Variants in CYRIA observed in about 807,000 individuals in gnomAD.
The protein encoded by CYRIA is CYFIP-related Rac1 interactor A.
A neutral mutation model predicts 43.9 loss-of-function variants in CYRIA; 15 were observed. The observed-to-expected ratio is 0.34, with a 90% CI of 0.23 to 0.53. The LOEUF (loss-of-function observed/expected upper bound fraction) is 0.53. CYRIA is among the 20% of genes least tolerant of loss of function. CYRIA has a pLI of 0.94. For synonymous variants in CYRIA, 117 were observed against 136.0 expected (o/e 0.86, Z 0.97); for missense variants, 236 against 394.2 (o/e 0.60, Z 3.40).
intron 1 of CYRIA, among the ~76,000 whole-genome samples, chr2:16,624,588 A>C (rs1669098577): frequency 2.0e-5 from 3 of 152,128 alleles, no homozygotes; most frequent in Admixed American, 1.3e-4. Flanking sequence ...TTCAGTGAGA[A>C]GCATATGTGG....
At chr2:16,649,308 T>TTACAGTACAGAGGAAGGATG (rs1163308629) in intron 1 of CYRIA, among the ~76,000 whole-genome samples, 2 of 152,138 alleles carry the variant, frequency 1.3e-5, no homozygotes, top group Admixed American at 6.5e-5. Flanking sequence ...CCAGGGACGA[T>TTACAGTACAGAGGAAGGATG]TACAGTACAG....
At chr2:16,583,962 T>C (rs551705301) in intron 3 of CYRIA, among the ~76,000 whole-genome samples, 4 of 152,226 alleles carry the variant, frequency 2.6e-5, no homozygotes, top group African/African-American at 9.6e-5. Context: ...AGCTTAATTA[T>C]ATCTGTCTGA....
At chr2:16,569,381 G>A (rs1365175186) in intron 3 of CYRIA, among the ~76,000 whole-genome samples, 3 of 152,124 alleles carry the variant, frequency 2.0e-5, no homozygotes, top group Admixed American at 6.5e-5. Context: ...GGTGGGATGC[G>A]GTAGGAGAAA....
At chr2:16,575,728 C>T (rs1016834540) in intron 3 of CYRIA, among the ~76,000 whole-genome samples, 9 of 151,812 alleles carry the variant, frequency 5.9e-5, no homozygotes, top group East Asian at 5.8e-4. Context: ...TGATGGCGGG[C>T]GCCTGTAGTC....
At chr2:16,635,686 C>T (rs950311973) in intron 1 of CYRIA, among the ~76,000 whole-genome samples, 1 of 152,132 alleles carries the variant, frequency 6.6e-6, no homozygotes, top group Non-Finnish European at 1.5e-5. Context: ...GCCCTGGAGA[C>T]TCAGATTAGA....
chr2:16,564,872 A>C (rs907866929), intron 4 of CYRIA, among the ~76,000 whole-genome samples: 6 of 152,202 alleles, frequency 3.9e-5, no homozygotes, highest in Non-Finnish European at 7.3e-5. Flanking sequence ...CTCATAAGAC[A>C]TTTGAGATGA....
intron 10 of CYRIA, 100 bp downstream of exon 10, chr2:16,559,360 C>T (rs1666644974): frequency 4.4e-6 from 6 of 1,363,138 alleles, no homozygotes; most frequent in South Asian, 2.9e-5. Flanking sequence ...AGAAAGATCA[C>T]TCTCAGTGGA....
At chr2:16,593,319 T>C (rs1051009648) in intron 2 of CYRIA, among the ~76,000 whole-genome samples, 2 of 152,196 alleles carry the variant, frequency 1.3e-5, no homozygotes, top group African/African-American at 4.8e-5. Flanking sequence ...TAAATGCTTA[T>C]AGGCATTAAT....
At chr2:16,633,543 CTTTTTTTTTTT>C (rs755223919) in intron 1 of CYRIA, among the ~76,000 whole-genome samples, 10 of 92,334 alleles carry the variant, frequency 1.1e-4, no homozygotes, top group South Asian at 4.5e-4. Context: ...CTATCCCTGG[CTTTTTTTTTTT>C]TTTTTTTTTT....
intron 1 of CYRIA, among the ~76,000 whole-genome samples, chr2:16,656,505 C>T (rs1670118029): frequency 6.6e-6 from 1 of 152,140 alleles, no homozygotes. Flanking sequence ...AACCAAAGGC[C>T]TTCAGGATCC....
chr2:16,614,226 A>G (rs1299472603), intron 2 of CYRIA, among the ~76,000 whole-genome samples: 1 of 152,216 alleles, frequency 6.6e-6, no homozygotes, highest in Non-Finnish European at 1.5e-5. Flanking sequence ...GCCTGCTTTT[A>G]TGGACAGATG....
chr2:16,574,261 A>G (rs561519560), intron 3 of CYRIA, among the ~76,000 whole-genome samples: 93 of 152,274 alleles, frequency 6.1e-4, no homozygotes, highest in Non-Finnish European at 1.2e-3. Context: ...TGGTGGAAGA[A>G]ATTTCTAAGC....
intron 3 of CYRIA, among the ~76,000 whole-genome samples, chr2:16,574,611 T>G (rs537132209): frequency 1.3e-5 from 2 of 152,300 alleles, no homozygotes; most frequent in South Asian, 4.1e-4. Context: ...TGCATCCCAG[T>G]TTCTCTAGCT....
At chr2:16,665,019 G>C (rs1215826416) in intron 1 of CYRIA, among the ~76,000 whole-genome samples, 1 of 152,130 alleles carries the variant, frequency 6.6e-6, no homozygotes, top group African/African-American at 2.4e-5. Context: ...CCTGGTCTCT[G>C]GGGACACTGG....
chr2:16,565,109 G>A (rs1313393088), intron 4 of CYRIA, among the ~76,000 whole-genome samples: 1 of 151,764 alleles, frequency 6.6e-6, no homozygotes, highest in Non-Finnish European at 1.5e-5. Context: ...AAGAGAATGG[G>A]TAATATTAAT....
At chr2:16,664,511 C>G (rs556073963) in intron 1 of CYRIA, among the ~76,000 whole-genome samples, 1 of 152,336 alleles carries the variant, frequency 6.6e-6, no homozygotes, top group South Asian at 2.1e-4. Flanking sequence ...TGCCTCCTGT[C>G]TCCACTGCAA....
chr2:16,585,114 T>C (rs1178313815), intron 3 of CYRIA, among the ~76,000 whole-genome samples: 1 of 152,144 alleles, frequency 6.6e-6, no homozygotes, highest in African/African-American at 2.4e-5. Flanking sequence ...GTGGACTGAA[T>C]TGAAATCCAG....
intron 2 of CYRIA, among the ~76,000 whole-genome samples, chr2:16,603,156 C>T (rs549296938): frequency 3.3e-5 from 5 of 152,270 alleles, no homozygotes; most frequent in African/African-American, 9.6e-5. Context: ...GGGCACAGAA[C>T]GCCTGGACCC....
rs374022095 is a variant in CYRIA at position 16,589,298 on chromosome 2, AAC to A, written c.-10-1171_-10-1170del. On this transcript the variant is annotated intron_variant, in intron 2 of 11. Coordinates refer to ENST00000381323, the MANE Select transcript of CYRIA (RefSeq NM_030797.4). ...TATGTTGATACAAGGAATTTTAAAAAACACACCATTCTAAGCAAGATGTGGCG... is the reference window on the plus strand; with the variant it reads ...TATGTTGATACAAGGAATTTTAAAAAACACCATTCTAAGCAAGATGTGGCG... Among the ~76,000 whole-genome samples the A allele has an allele frequency of 2.7e-3, 413 of 152,236 alleles. 4 individuals carry two copies. The highest frequency in any genetic ancestry group is 9.6e-3 in the African/African-American group (397 of 41,544).
Sources: allele counts gnomAD v4.1 joint callset (sites outside exome capture counted in the v4.1 genomes callset), GRCh38; gene constraint gnomAD v4.1.1; transcripts MANE v1.5; gene names NCBI Gene and HGNC (gene_info 2026-07-23, HGNC 2026-07-21).